Variants in ATF7IP2 observed in about 807,000 individuals in gnomAD.
ATF7IP2 encodes activating transcription factor 7 interacting protein 2, also known as activating transcription factor 7-interacting protein 2.
Under a neutral mutation model 64.2 loss-of-function variants are expected in ATF7IP2, and 42 were observed. The observed-to-expected ratio is 0.65, with a 90% confidence interval of 0.51 to 0.85. The LOEUF is 0.85. Among genes scored for constraint, ATF7IP2 ranks in the 40% least tolerant of loss-of-function variants. The pLI is 0.00. For synonymous variants in ATF7IP2, 308 were observed against 272.8 expected (o/e 1.13, Z -1.27); for missense variants, 933 against 784.2 (o/e 1.19, Z -2.27).
chr16:10,433,822 C>T (rs2048333349), intron 6 of ATF7IP2, among the ~76,000 whole-genome samples, 173 bp downstream of exon 6: 1 of 152,096 alleles, frequency 6.6e-6, no homozygotes, highest in Admixed American at 6.5e-5. Context: ...CTTACATTAC[C>T]AAAACAGCTC....
intron 1 of ATF7IP2, among the ~76,000 whole-genome samples, chr16:10,401,049 T>C (rs2047523111): frequency 1.3e-5 from 2 of 152,238 alleles, no homozygotes; most frequent in Non-Finnish European, 2.9e-5. Context: ...TTTTTGTGCA[T>C]ATATTGAGAT....
chr16:10,465,364 A>T (rs1433771810), intron 9 of ATF7IP2, among the ~76,000 whole-genome samples: 1 of 152,238 alleles, frequency 6.6e-6, no homozygotes, highest in East Asian at 1.9e-4. Context: ...CTCCAAGGTA[A>T]ACTACAAGTA....
chr16:10,430,765 G>A lies in ATF7IP2; in HGVS notation c.145G>A (p.Gly49Ser), dbSNP rs113521958. 4.8e-4 allele frequency: 772 copies of A among 1,611,454 alleles called. 2 individuals are homozygous for A. In the African/African-American group the frequency reaches 9.2e-3, roughly 19 times the overall value. The change falls in exon 5 of 14, where the codon GGT (glycine) becomes AGT (serine). Residue 49 changes from glycine to serine, a missense_variant. Coordinates refer to ENST00000562102, the MANE Select transcript of ATF7IP2 (RefSeq NM_001393719.1). Reference protein sequence around the residue: ...KTAIGSNVPSGNQSFSPSVIT... With the variant: ...KTAIGSNVPSSNQSFSPSVIT... Reference sequence around the variant, plus strand: ...AGCAATTGGGAGTAATGTTCCAAGCGGTAATCAGAGTTTCAGTCCTAGTGT... The same window carrying A: ...AGCAATTGGGAGTAATGTTCCAAGCAGTAATCAGAGTTTCAGTCCTAGTGT...
chr16:10,456,046 C>G lies in ATF7IP2; in HGVS notation c.1195-1326C>G, dbSNP rs548202724. 2.0e-5 allele frequency among the ~76,000 whole-genome samples: 3 copies of G among 151,736 alleles called. No homozygotes were observed. In the East Asian group the frequency reaches 5.8e-4, roughly 29 times the overall value. ...CCAGGCTGGAGTGCAGTGACACAAT[C>G]TCGGCTCACTGCAACATCCGCCTCC... On this transcript the variant is annotated intron_variant, in intron 8 of 13. Coordinates refer to ENST00000562102, the MANE Select transcript of ATF7IP2 (RefSeq NM_001393719.1).
chr16:10,390,392 TAA>T (rs986273928), intron 1 of ATF7IP2, among the ~76,000 whole-genome samples: 11 of 152,212 alleles, frequency 7.2e-5, no homozygotes, highest in Non-Finnish European at 1.5e-4. Flanking sequence ...GAATATTGGA[TAA>T]ATATCAAATT....
In ATF7IP2 at chr16:10,482,348, G is replaced by C; in HGVS notation, c.*99G>C. On this transcript the variant is annotated 3_prime_UTR_variant, in exon 14 of 14. Coordinates refer to ENST00000562102, the MANE Select transcript of ATF7IP2 (RefSeq NM_001393719.1). ...CCATTGTAAAAGGCCAGCTCAGATT[G>C]TGAGCCCTTTCTATTGGGACAGTCC... 1.1e-6 allele frequency: 1 copy of C among 885,482 alleles called. No individual in the cohort carries two copies. The highest frequency in any genetic ancestry group is 1.7e-6 in the Non-Finnish European group (1 of 584,560). The allele number at this position is 885,482 out of a possible 1,614,324, so 54.9% of individuals were successfully genotyped here.
intron 3 of ATF7IP2, among the ~76,000 whole-genome samples, chr16:10,428,647 G>T (rs2048144358): frequency 6.6e-6 from 1 of 152,118 alleles, no homozygotes; most frequent in Admixed American, 6.5e-5. Context: ...GGTCTCTGGT[G>T]CCTGGCACCT....
Position 10,477,977 on chromosome 16 carries a change from C to T in ATF7IP2, c.1550-2902C>T, listed in dbSNP as rs1347920508. 2.7e-5 allele frequency among the ~76,000 whole-genome samples: 4 copies of T among 146,048 alleles called. No homozygotes were observed. The East Asian group carries it at 8.0e-4, about 29-fold the overall frequency. ...TGAAGGACCTCTTCAAGGAGAACTA[C>T]AAACCACTGCTCAATGAAATAAAAG... On this transcript the variant is annotated intron_variant, in intron 12 of 13. Coordinates refer to ENST00000562102, the MANE Select transcript of ATF7IP2 (RefSeq NM_001393719.1).
intron 9 of ATF7IP2, among the ~76,000 whole-genome samples, chr16:10,462,471 A>G (rs1397442431): frequency 6.6e-6 from 1 of 152,134 alleles, no homozygotes; most frequent in Non-Finnish European, 1.5e-5. Flanking sequence ...TAACTTGGGT[A>G]TAGAATTAGA....
rs1451289172 is a variant in ATF7IP2, at chr16:10,438,147, T to C, written c.1007T>C (p.Leu336Pro). 2 of 1,600,042 alleles carry C rather than the reference T, an allele frequency of 1.2e-6. No homozygotes were observed. The highest frequency in any genetic ancestry group is 2.7e-5 in the African/African-American group (2 of 73,902). Residue 336 changes from leucine to proline, a missense_variant, in exon 7 of 14, where the codon CTA becomes CCA. Physicochemically the swap from Leu to Pro is moderately conservative, Grantham distance 98. Coordinates refer to ENST00000562102, the MANE Select transcript of ATF7IP2 (RefSeq NM_001393719.1). ...GAGATCTATAGCATAAATTATGAAC[T>C]ATTTGATAAGAAACTGAAAGAATTG... ...QQEIYSINYE[L>P]FDKKLKELNQ...
At chr16:10,474,134 T>A in intron 12 of ATF7IP2, 145 bp downstream of exon 12, 1 of 551,928 alleles carries the variant, frequency 1.8e-6, no homozygotes, top group Middle Eastern at 3.4e-4. Context: ...CATGTGCAGA[T>A]TCATGTAACT....
At chr16:10,472,509 TC>T (rs2049837467) in intron 10 of ATF7IP2, among the ~76,000 whole-genome samples, 2 of 152,106 alleles carry the variant, frequency 1.3e-5, no homozygotes, top group African/African-American at 4.8e-5. Flanking sequence ...TTGTTTTTTG[TC>T]TTCTTATTTT....
chr16:10,476,458 AC>A (rs1331650382), intron 12 of ATF7IP2, among the ~76,000 whole-genome samples: 1 of 151,898 alleles, frequency 6.6e-6, no homozygotes, highest in Non-Finnish European at 1.5e-5. Context: ...CCTTTTCTTA[AC>A]CATCCCTGTA....
At chr16:10,412,647 C>T (rs2047794903) in intron 1 of ATF7IP2, among the ~76,000 whole-genome samples, 1 of 152,116 alleles carries the variant, frequency 6.6e-6, no homozygotes, top group Admixed American at 6.5e-5. Context: ...AATGTATATT[C>T]TGCAGTTGTT....
intron 13 of ATF7IP2, 117 bp downstream of exon 13, chr16:10,481,081 C>T (rs1177157144): frequency 2.8e-6 from 2 of 717,606 alleles, no homozygotes; most frequent in African/African-American, 1.8e-5. Context: ...ATTTAGTGTG[C>T]TGTTGTTAAT....
intron 3 of ATF7IP2, among the ~76,000 whole-genome samples, chr16:10,424,081 G>A (rs2048038322): frequency 6.6e-6 from 1 of 152,238 alleles, no homozygotes; most frequent in Non-Finnish European, 1.5e-5. Flanking sequence ...AAAAGGATGG[G>A]CTCTGGCTAG....
At chr16:10,479,436 G>A (rs960339788) in intron 12 of ATF7IP2, among the ~76,000 whole-genome samples, 4 of 152,058 alleles carry the variant, frequency 2.6e-5, no homozygotes, top group Non-Finnish European at 4.4e-5. Context: ...TCACTCATAG[G>A]TGGGAATTGA....
At chr16:10,439,934 C>T (rs1015688452) in intron 7 of ATF7IP2, among the ~76,000 whole-genome samples, 1 of 151,660 alleles carries the variant, frequency 6.6e-6, no homozygotes, top group African/African-American at 2.4e-5. Context: ...GAGGCAGAGG[C>T]AGGTGGATGC....
intron 12 of ATF7IP2, 132 bp from the exon 13 acceptor site, chr16:10,480,747 A>G (rs2050190361): frequency 2.8e-6 from 2 of 710,928 alleles, no homozygotes; most frequent in African/African-American, 3.6e-5. Context: ...TTAAAAGTGT[A>G]TCTTCATAAT....
Sources: gnomAD v4.1 joint callset for allele counts (sites outside exome capture counted in the v4.1 genomes callset) on GRCh38, gnomAD v4.1.1 for gene constraint, MANE v1.5 for transcripts, NCBI Gene and HGNC (gene_info 2026-07-23, HGNC 2026-07-21) for gene names.